The following OR9Q1 variants were observed in gnomAD, a reference collection of about 807,000 sequenced individuals.
OR9Q1 encodes the protein olfactory receptor family 9 subfamily Q member 1.
For synonymous variants in OR9Q1, 153 were observed against 148.6 expected (o/e 1.03, Z -0.22); for missense variants, 374 against 378.8 (o/e 0.99, Z 0.11).
intron 2 of OR9Q1, among the ~76,000 whole-genome samples, chr11:58,127,562 G>C (rs1296769038): frequency 6.6e-6 from 1 of 152,162 alleles, no homozygotes; most frequent in Non-Finnish European, 1.5e-5. Flanking sequence ...ACTGTGGGCT[G>C]CCTCCAAGTG....
In OR9Q1 at chr11:58,045,783, A is replaced by G. The variant is rs139669093; in HGVS notation, c.-92-10087A>G. 6.8e-4 allele frequency among the ~76,000 whole-genome samples: 103 copies of G among 152,352 alleles called. 1 individual carries two copies. In the East Asian group the frequency reaches 0.018, roughly 26 times the overall value. On this transcript the variant is annotated intron_variant, in intron 1 of 2. Coordinates refer to ENST00000335397, the MANE Select transcript of OR9Q1 (RefSeq NM_001005212.4). Reference sequence around the variant, plus strand: ...CCACAGTGAATCAGAAACAAAGACTACAAACACTACCTAAGCCTCAGCACC... The same window carrying G: ...CCACAGTGAATCAGAAACAAAGACTGCAAACACTACCTAAGCCTCAGCACC...
intron 2 of OR9Q1, among the ~76,000 whole-genome samples, chr11:58,061,377 G>A (rs1273644199): frequency 1.3e-5 from 2 of 152,146 alleles, no homozygotes; most frequent in African/African-American, 4.8e-5. Flanking sequence ...CAGTCATTGA[G>A]GGTTTAAGTA....
At chr11:58,123,177 AG>A (rs1221491693) in intron 2 of OR9Q1, among the ~76,000 whole-genome samples, 1 of 152,234 alleles carries the variant, frequency 6.6e-6, no homozygotes, top group African/African-American at 2.4e-5. Flanking sequence ...AAGTAGAAGC[AG>A]AAGAGTTAGT....
Position 58,119,166 on chromosome 11 carries a change from G to A in OR9Q1, c.-14-60265G>A, listed in dbSNP as rs769579068. 14 of 1,613,918 alleles carry A rather than the reference G, an allele frequency of 8.7e-6. No homozygotes were observed. In the Admixed American group the frequency reaches 1.0e-4, roughly 12 times the overall value. ...AGAACTGGGCAGCACAGTGGCCGTAGGAGATGACCGTTTTGCCTGTGGCCA... is the reference window on the plus strand; with the variant it reads ...AGAACTGGGCAGCACAGTGGCCGTAAGAGATGACCGTTTTGCCTGTGGCCA... On this transcript the variant is annotated intron_variant, in intron 2 of 2. Transcript: ENST00000335397.
chr11:58,178,006 G>A (rs891339593), intron 2 of OR9Q1, among the ~76,000 whole-genome samples: 5 of 152,170 alleles, frequency 3.3e-5, no homozygotes, highest in Admixed American at 1.3e-4. Context: ...TGTTGAAAGT[G>A]CAGAGATGTA....
At chr11:58,096,827 C>T (rs1328102032) in intron 2 of OR9Q1, among the ~76,000 whole-genome samples, 1 of 152,012 alleles carries the variant, frequency 6.6e-6, no homozygotes, top group Non-Finnish European at 1.5e-5. Flanking sequence ...CCTCAGCCTC[C>T]TGAGTAGATG....
chr11:58,056,997 T>G (rs1344141346), intron 2 of OR9Q1, among the ~76,000 whole-genome samples: 3 of 143,370 alleles, frequency 2.1e-5, no homozygotes, highest in South Asian at 2.4e-4. Context: ...GTTTTTTTTT[T>G]TTTTTTTTTT....
chr11:58,104,023 A>T (rs1275479603), intron 2 of OR9Q1, among the ~76,000 whole-genome samples: 1 of 152,172 alleles, frequency 6.6e-6, no homozygotes, highest in Non-Finnish European at 1.5e-5. Flanking sequence ...TGGAGTAGTC[A>T]TTTTGCACAA....
chr11:58,135,733 C>T (rs1792507752), intron 2 of OR9Q1, among the ~76,000 whole-genome samples: 1 of 152,178 alleles, frequency 6.6e-6, no homozygotes, highest in African/African-American at 2.4e-5. Flanking sequence ...CTTTATGACT[C>T]CCCATTTTTA....
chr11:58,107,075 A>G (rs1001698604), intron 2 of OR9Q1, among the ~76,000 whole-genome samples: 1 of 152,122 alleles, frequency 6.6e-6, no homozygotes, highest in Non-Finnish European at 1.5e-5. Flanking sequence ...ATATTTTAGT[A>G]ATATTAAGTT....
chr11:58,081,739 T>C (rs1853589003), intron 2 of OR9Q1, among the ~76,000 whole-genome samples: 2 of 152,070 alleles, frequency 1.3e-5, no homozygotes, highest in Admixed American at 1.3e-4. Flanking sequence ...GATGGGTAGA[T>C]TGCAAAGATT....
At chr11:58,134,999 A>T (rs1362936338) in intron 2 of OR9Q1, among the ~76,000 whole-genome samples, 2 of 152,124 alleles carry the variant, frequency 1.3e-5, no homozygotes. Flanking sequence ...AACAGAACCA[A>T]CCTTTGTTGA....
chr11:58,135,884 G>T (rs1314526455), intron 2 of OR9Q1, among the ~76,000 whole-genome samples: 1 of 152,152 alleles, frequency 6.6e-6, no homozygotes, highest in Non-Finnish European at 1.5e-5. Flanking sequence ...GAAATCCCTT[G>T]CAAGTGAACA....
At chr11:58,055,601 C>T (rs1321864248) in intron 1 of OR9Q1, among the ~76,000 whole-genome samples, 4 of 151,956 alleles carry the variant, frequency 2.6e-5, no homozygotes, top group African/African-American at 9.7e-5. Flanking sequence ...GAGTTTGAGA[C>T]TAGTCTGGGC....
At chr11:58,105,985 A>C (rs1028566334) in intron 2 of OR9Q1, among the ~76,000 whole-genome samples, 5 of 152,054 alleles carry the variant, frequency 3.3e-5, no homozygotes, top group Non-Finnish European at 7.4e-5. Flanking sequence ...TATGTCCAGG[A>C]GTGGGACTGC....
chr11:58,066,566 GACTTTCTTATTT>G (rs1853432051), intron 2 of OR9Q1, among the ~76,000 whole-genome samples: 1 of 152,120 alleles, frequency 6.6e-6, no homozygotes, highest in African/African-American at 2.4e-5. Flanking sequence ...AGGTCTCCGA[GACTTTCTTATTT>G]CCCTGGACCC....
rs530876864 is a variant in OR9Q1, at chr11:58,084,613, C to A, written c.-15+28666C>A. Among the ~76,000 whole-genome samples, 13 of 152,012 alleles carry A rather than the reference C, an allele frequency of 8.6e-5. No individual in the cohort carries two copies. In the South Asian group the frequency reaches 2.7e-3, roughly 32 times the overall value. On this transcript the variant is annotated intron_variant, in intron 2 of 2. Coordinates refer to ENST00000335397, the MANE Select transcript of OR9Q1 (RefSeq NM_001005212.4). The stretch of plus-strand genomic sequence containing the variant: ...ACACCATGATCAAATAGGCTTTATT[C>A]CTGGGTTGCAAGGCTGGTTCAACAT...
chr11:58,135,723 CT>C (rs1854183249), intron 2 of OR9Q1, among the ~76,000 whole-genome samples: 1 of 152,196 alleles, frequency 6.6e-6, no homozygotes, highest in Admixed American at 6.5e-5. Flanking sequence ...ACTGCACAAC[CT>C]TTATGACTCC....
chr11:58,130,901 T>C (rs1854134775), intron 2 of OR9Q1, among the ~76,000 whole-genome samples: 1 of 151,940 alleles, frequency 6.6e-6, no homozygotes, highest in African/African-American at 2.4e-5. Context: ...ATGTCTATAA[T>C]AGGACATAAT....
Sources: allele counts gnomAD v4.1 joint callset (sites outside exome capture counted in the v4.1 genomes callset), GRCh38; gene constraint gnomAD v4.1.1; transcripts MANE v1.5; gene names NCBI Gene and HGNC (gene_info 2026-07-23, HGNC 2026-07-21).